Variants in STXBP5 observed in about 807,000 individuals in gnomAD.
STXBP5 encodes the protein syntaxin binding protein 5.
In STXBP5, 50 loss-of-function variants were observed where a neutral mutation model predicts 152.4. The ratio of observed to expected loss-of-function variants is 0.33; its 90% CI spans 0.26 to 0.42. STXBP5 has a LOEUF of 0.42. Ranked by LOEUF, STXBP5 falls within the 10% of genes least tolerant of loss-of-function variation. The pLI is 1.00. For missense variants in STXBP5, 1,167 were observed against 1,388.6 expected (o/e 0.84, Z 2.54); for synonymous variants, 492 against 494.7 (o/e 0.99, Z 0.07).
In STXBP5 at chr6:147,312,971, TA is replaced by T. The variant is rs1218932494; in HGVS notation, c.1146-910del. On this transcript the variant is annotated intron_variant, in intron 11 of 27. Transcript: ENST00000321680. ...CATTTTATTTAGCAAAAGTATCAGT[TA>T]AATGTATGGTAATAATAGAATCACT... is the stretch of plus-strand genomic sequence containing the variant. Among the ~76,000 whole-genome samples the T allele has an allele frequency of 7.2e-5, 11 of 152,294 alleles. No individual in the cohort carries two copies. The East Asian group carries it at 2.1e-3, about 29-fold the overall frequency.
Position 147,327,266 on chromosome 6 carries a change from G to A in STXBP5, c.2070G>A (p.Gln690=). The change falls in exon 18 of 28, where the codon CAG becomes CAA. Residue 690 remains glutamine, a synonymous_variant. Coordinates refer to ENST00000321680, the MANE Select transcript of STXBP5 (RefSeq NM_001127715.4). The part of the protein sequence containing the change: ...REPRSPRKSR[Q]PSGAGLCDIS... ...CCCGATCTCCTCGTAAATCTCGACAGCCTTCAGGAGGTAAAAAGAAAAGAA... is the reference window on the plus strand; with the variant it reads ...CCCGATCTCCTCGTAAATCTCGACAACCTTCAGGAGGTAAAAAGAAAAGAA... 6.2e-7 allele frequency: 1 copy of A among 1,600,394 alleles called. No individual in the cohort carries two copies. Among genetic ancestry groups the A allele is most frequent in the Non-Finnish European group, 8.5e-7 (1 of 1,176,758 alleles).
chr6:147,352,685 A>C (rs1191019944), intron 21 of STXBP5, among the ~76,000 whole-genome samples: 2 of 152,106 alleles, frequency 1.3e-5, no homozygotes, highest in African/African-American at 4.8e-5. Context: ...ACATACCCAA[A>C]CTTAGTCTTA....
intron 18 of STXBP5, among the ~76,000 whole-genome samples, chr6:147,331,824 AAAAC>A (rs1315503723): frequency 3.3e-5 from 5 of 151,510 alleles, no homozygotes; most frequent in East Asian, 1.9e-4. Flanking sequence ...AAAAAAAAAA[AAAAC>A]ACACAAAACT....
rs979771135 is a variant in STXBP5, at chr6:147,335,942, A to G, written c.2146+1720A>G. Reference sequence around the variant, plus strand: ...GAAAAGGAAAGTAATAGAGAAGTTCATATGTCCTTAGATATTTCATTGTTT... The same window carrying G: ...GAAAAGGAAAGTAATAGAGAAGTTCGTATGTCCTTAGATATTTCATTGTTT... On this transcript the variant is annotated intron_variant, in intron 19 of 27. Transcript: ENST00000321680. 4.6e-5 allele frequency among the ~76,000 whole-genome samples: 7 copies of G among 152,386 alleles called. No individual in the cohort carries two copies. In the South Asian group the frequency reaches 1.0e-3, roughly 23 times the overall value.
chr6:147,275,782 C>T (rs1780416046), intron 7 of STXBP5, among the ~76,000 whole-genome samples: 2 of 151,926 alleles, frequency 1.3e-5, no homozygotes, highest in African/African-American at 4.8e-5. Flanking sequence ...TGGTCTTGAT[C>T]TCCTGACCTC....
intron 9 of STXBP5, among the ~76,000 whole-genome samples, chr6:147,309,266 A>G (rs1457764336): frequency 6.6e-6 from 1 of 152,172 alleles, no homozygotes; most frequent in Non-Finnish European, 1.5e-5. Context: ...AAGAAATCAT[A>G]AATGGAGATA....
chr6:147,244,448 G>A (rs1217956770), intron 4 of STXBP5, among the ~76,000 whole-genome samples: 1 of 152,268 alleles, frequency 6.6e-6, no homozygotes, highest in East Asian at 1.9e-4. Context: ...TAGCTTGCTA[G>A]GATTTTGATT....
intron 4 of STXBP5, among the ~76,000 whole-genome samples, chr6:147,250,782 T>C (rs1292547264): frequency 1.3e-5 from 2 of 152,008 alleles, no homozygotes; most frequent in African/African-American, 2.4e-5. Context: ...TTTATTAATA[T>C]CAATTTTTAT....
At position 147,390,029 on chromosome 6, in the gene STXBP5, G is replaced by A. The variant is rs557110656; in HGVS notation, c.*5274G>A. The A allele has an allele frequency of 6.6e-6, 1 of 151,990 alleles. No homozygotes were observed. Among genetic ancestry groups the A allele is most frequent in the East Asian group, 1.9e-4 (1 of 5,166 alleles). The allele number at this position is 151,990 out of a possible 1,614,324, so 9.4% of individuals were successfully genotyped here. On this transcript the variant is annotated 3_prime_UTR_variant, in exon 28 of 28. Coordinates refer to ENST00000321680, the MANE Select transcript of STXBP5 (RefSeq NM_001127715.4). ...GTCCACTTCAGGGGCAAGCATGCTT[G>A]GTATAGAGCTCTAGCTTGTGTATAC...
rs1562269936 is a variant in STXBP5, at chr6:147,363,483, T to C, written c.2694T>C (p.Pro898=). Residue 898 remains proline, a synonymous_variant, in exon 24 of 28, where the codon CCT becomes CCC. Transcript: ENST00000321680. ...AGGAGAAATTGAAAAAACGGCGGCCTGTCTCAGTATCCCCCTCCTCTTCTC... is the reference window on the plus strand; with the variant it reads ...AGGAGAAATTGAAAAAACGGCGGCCCGTCTCAGTATCCCCCTCCTCTTCTC... ...DEKEKLKKRR[P]VSVSPSSSQE... The C allele has an allele frequency of 5.0e-6, 8 of 1,614,122 alleles. No individual in the cohort carries two copies. The highest frequency in any genetic ancestry group is 5.9e-6 in the Non-Finnish European group (7 of 1,180,026).
intron 3 of STXBP5, 108 bp from the exon 4 acceptor site, chr6:147,239,062 G>A: frequency 2.2e-6 from 2 of 922,418 alleles, no homozygotes; most frequent in South Asian, 2.1e-5. Flanking sequence ...TAAATCTGTT[G>A]GCAGAAAGTT....
intron 7 of STXBP5, among the ~76,000 whole-genome samples, chr6:147,273,949 CAAA>C (rs796458350): frequency 5.9e-5 from 5 of 84,742 alleles, no homozygotes; most frequent in African/African-American, 9.0e-5. Context: ...GAGACTCTGG[CAAA>C]AAAAAAAAAA....
At chr6:147,267,681 TG>T (rs1468377682) in intron 7 of STXBP5, among the ~76,000 whole-genome samples, 1 of 152,024 alleles carries the variant, frequency 6.6e-6, no homozygotes, top group Non-Finnish European at 1.5e-5. Flanking sequence ...CATGTTTTTT[TG>T]TTTTTTGTTT....
chr6:147,379,072 A>G (rs189746073), intron 26 of STXBP5, among the ~76,000 whole-genome samples: 2 of 150,122 alleles, frequency 1.3e-5, no homozygotes, highest in Non-Finnish European at 2.9e-5. Context: ...GCATATCTCT[A>G]TTTTTCTGAA....
intron 4 of STXBP5, among the ~76,000 whole-genome samples, chr6:147,245,313 A>T (rs976834650): frequency 4.6e-5 from 7 of 152,280 alleles, no homozygotes; most frequent in Non-Finnish European, 7.4e-5. Context: ...GAATTTTTTT[A>T]AATCAGCAAA....
In STXBP5 at chr6:147,235,490, A is replaced by T. The variant is rs150596261; in HGVS notation, c.330+159A>T. ...TAGTAATTCGTTTTAAGGTACCGTC[A>T]TGGACAGTTACATAAATAATGTAAA... On this transcript the variant is annotated intron_variant, in intron 3 of 27. Coordinates refer to ENST00000321680, the MANE Select transcript of STXBP5 (RefSeq NM_001127715.4). Among the ~76,000 whole-genome samples, 193 of 152,282 alleles carry T rather than the reference A, an allele frequency of 1.3e-3. 1 individual carries two copies. The highest frequency in any genetic ancestry group is 4.3e-3 in the African/African-American group (178 of 41,576).
At chr6:147,291,274 T>A in intron 9 of STXBP5, 102 bp downstream of exon 9, 1 of 717,164 alleles carries the variant, frequency 1.4e-6, no homozygotes, top group Admixed American at 3.5e-5. Context: ...TAGAATAGTC[T>A]ACACCATTCT....
At chr6:147,376,466 T>A (rs1785815239) in intron 26 of STXBP5, among the ~76,000 whole-genome samples, 1 of 152,016 alleles carries the variant, frequency 6.6e-6, no homozygotes, top group Admixed American at 6.6e-5. Context: ...TAAATAATGG[T>A]AATAAATGTA....
At chr6:147,214,082 T>C (rs1469091234) in intron 2 of STXBP5, among the ~76,000 whole-genome samples, 1 of 152,220 alleles carries the variant, frequency 6.6e-6, no homozygotes, top group South Asian at 2.1e-4. Context: ...GGAGAAGTTA[T>C]GGTGCTTTCT....
Sources: gnomAD v4.1 joint callset for allele counts (sites outside exome capture counted in the v4.1 genomes callset) on GRCh38, gnomAD v4.1.1 for gene constraint, MANE v1.5 for transcripts, NCBI Gene and HGNC (gene_info 2026-07-23, HGNC 2026-07-21) for gene names.